Variants in MKLN1 observed in about 807,000 individuals in gnomAD.
The protein encoded by MKLN1 is muskelin 1, also known as muskelin.
In MKLN1, 18 loss-of-function variants were observed where a neutral mutation model predicts 99.0. That is an observed-to-expected ratio of 0.18 (90% confidence interval 0.13 to 0.27). The LOEUF (loss-of-function observed/expected upper bound fraction) is 0.27. MKLN1 is among the 10% of genes least tolerant of loss of function. The pLI, the probability that MKLN1 is intolerant of heterozygous loss-of-function variation, is 1.00. For synonymous variants in MKLN1, 288 were observed against 293.2 expected (o/e 0.98, Z 0.18); for missense variants, 621 against 875.9 (o/e 0.71, Z 3.67).
At chr7:131,432,031 T>C (rs1194378320) in intron 9 of MKLN1, among the ~76,000 whole-genome samples, 1 of 152,240 alleles carries the variant, frequency 6.6e-6, no homozygotes, top group East Asian at 1.9e-4. Context: ...CTTCCTTTGA[T>C]GTGCTCACTT....
chr7:131,415,821 A>G (rs1199342959), intron 8 of MKLN1, among the ~76,000 whole-genome samples: 2 of 152,222 alleles, frequency 1.3e-5, no homozygotes, highest in African/African-American at 2.4e-5. Flanking sequence ...ATTATTTATG[A>G]ATATAGACAT....
At chr7:131,289,358 G>C (rs1430103115) in intron 3 of MKLN1, among the ~76,000 whole-genome samples, 1 of 152,232 alleles carries the variant, frequency 6.6e-6, no homozygotes. Flanking sequence ...AGGTGTGGTG[G>C]CTCACGCCTG....
At chr7:131,438,440 C>T (rs1044065501) in intron 10 of MKLN1, among the ~76,000 whole-genome samples, 15 of 148,552 alleles carry the variant, frequency 1.0e-4, no homozygotes, top group African/African-American at 3.5e-4. Flanking sequence ...TGTTTATAGT[C>T]ACAAAATTGT....
chr7:131,443,449 A>T, intron 10 of MKLN1, 32 bp from the exon 11 acceptor site: 1 of 1,496,828 alleles, frequency 6.7e-7, no homozygotes, highest in Non-Finnish European at 9.3e-7. Flanking sequence ...GAACAAACTA[A>T]AACTATTCAA....
chr7:131,236,126 T>C (rs1311339843), intron 3 of MKLN1, among the ~76,000 whole-genome samples: 2 of 152,098 alleles, frequency 1.3e-5, no homozygotes, highest in Admixed American at 1.3e-4. Flanking sequence ...AAAATGTAAG[T>C]AGTAAGTAAA....
At chr7:131,364,510 G>A (rs189108043) in intron 1 of MKLN1, among the ~76,000 whole-genome samples, 16 of 151,560 alleles carry the variant, frequency 1.1e-4, no homozygotes, top group African/African-American at 3.6e-4. Context: ...CAGGGCATAC[G>A]TGAAGGTTTT....
At chr7:131,277,365 C>A (rs1179441244) in intron 3 of MKLN1, among the ~76,000 whole-genome samples, 9 of 151,614 alleles carry the variant, frequency 5.9e-5, no homozygotes, top group Admixed American at 5.9e-4. Flanking sequence ...CTCATTGCAA[C>A]CTCCGCCTCC....
chr7:131,327,680 G>T (rs973990875), upstream of MKLN1: 9 of 699,290 alleles, frequency 1.3e-5, no homozygotes, highest in African/African-American at 1.3e-4. Context: ...CCTGGAAAGC[G>T]CTTACACCTC....
chr7:131,377,351 A>G (rs978606021), intron 2 of MKLN1, among the ~76,000 whole-genome samples: 3 of 152,006 alleles, frequency 2.0e-5, no homozygotes, highest in African/African-American at 7.2e-5. Flanking sequence ...CTATGGGTGG[A>G]TTTTATATTT....
chr7:131,418,707 T>G (rs1391569524), intron 8 of MKLN1, among the ~76,000 whole-genome samples: 1 of 152,206 alleles, frequency 6.6e-6, no homozygotes, highest in Non-Finnish European at 1.5e-5. Flanking sequence ...TCTTAGAAGT[T>G]TTCTCTAGTA....
chr7:131,154,976 T>C (rs4731759), intron 2 of MKLN1, among the ~76,000 whole-genome samples: 70,162 of 151,928 alleles, frequency 0.46, 17,500 homozygotes, highest in Non-Finnish European at 0.57. Flanking sequence ...GCATTAATAG[T>C]TATAGACATT....
intron 3 of MKLN1, among the ~76,000 whole-genome samples, chr7:131,295,781 A>C (rs1328193507): frequency 6.6e-6 from 1 of 150,774 alleles, no homozygotes; most frequent in Non-Finnish European, 1.5e-5. Context: ...GCTTCAAGGG[A>C]GGCTGAGGCA....
chr7:131,143,338 G>T lies in MKLN1; in HGVS notation c.-297+397G>T, dbSNP rs193251174. Among the ~76,000 whole-genome samples, 179 of 152,222 alleles carry T rather than the reference G, an allele frequency of 1.2e-3. 1 individual carries two copies. Among genetic ancestry groups the T allele is most frequent in the African/African-American group, 3.8e-3 (158 of 41,538 alleles). ...AAAAAATTGCTGGGCATGGTGGCAG[G>T]TGCCTGTAATTCCGCTACTTGGGAG... is the stretch of plus-strand genomic sequence containing the variant. On this transcript the variant is annotated intron_variant, in intron 2 of 7. Coordinates refer to the MKLN1 transcript ENST00000416992.
chr7:131,394,463 A>G (rs1272600165), intron 4 of MKLN1, among the ~76,000 whole-genome samples: 1 of 151,984 alleles, frequency 6.6e-6, no homozygotes, highest in Non-Finnish European at 1.5e-5. Context: ...GATCCCTTGT[A>G]TTTGCAGTTC....
At chr7:131,359,526 GTTCAAGGGTA>G (rs1187767045) in intron 1 of MKLN1, among the ~76,000 whole-genome samples, 4 of 152,150 alleles carry the variant, frequency 2.6e-5, no homozygotes, top group Admixed American at 6.5e-5. Context: ...ATGCTCTTCA[GTTCAAGGGTA>G]TTCTGAGCTT....
At chr7:131,182,457 A>G (rs1434953038) in intron 2 of MKLN1, among the ~76,000 whole-genome samples, 1 of 152,214 alleles carries the variant, frequency 6.6e-6, no homozygotes, top group African/African-American at 2.4e-5. Context: ...CCTGGAATAT[A>G]CAATTTAGCT....
At chr7:131,237,315 T>C (rs1052288475) in intron 3 of MKLN1, among the ~76,000 whole-genome samples, 1 of 152,184 alleles carries the variant, frequency 6.6e-6, no homozygotes, top group Non-Finnish European at 1.5e-5. Flanking sequence ...AAGTACAACG[T>C]GAAGTCTCCC....
At chr7:131,340,275 CTTTTTT>C (rs398006316) in intron 1 of MKLN1, among the ~76,000 whole-genome samples, 3 of 85,050 alleles carry the variant, frequency 3.5e-5, no homozygotes, top group African/African-American at 9.5e-5. Context: ...GTAATTACGG[CTTTTTT>C]TTTTTTTTTT....
At position 131,496,144 on chromosome 7, in the gene MKLN1, A is replaced by G. The variant is rs1265027680; in HGVS notation, c.*8416A>G. 1 of 152,096 alleles carries G rather than the reference A, an allele frequency of 6.6e-6. No individual in the cohort carries two copies. The highest frequency in any genetic ancestry group is 1.9e-4 in the East Asian group (1 of 5,194). 9.4% of individuals were successfully genotyped at this position (152,096 alleles called of 1,614,324 possible). A position where few individuals can be genotyped will look rare whatever the true frequency, so the allele number is the denominator to read the frequency against. ...TCAGTAGTATTTCAGATGAGACTCA[A>G]TGTGTGGAGAAAACCGCTAACTTGT... On this transcript the variant is annotated 3_prime_UTR_variant, in exon 18 of 18. Coordinates refer to ENST00000352689, the MANE Select transcript of MKLN1 (RefSeq NM_013255.5).
Sources: gnomAD v4.1 joint callset for allele counts (sites outside exome capture counted in the v4.1 genomes callset) on GRCh38, gnomAD v4.1.1 for gene constraint, MANE v1.5 for transcripts, NCBI Gene and HGNC (gene_info 2026-07-23, HGNC 2026-07-21) for gene names.